The following AKT3 variants were observed in gnomAD, a reference collection of about 807,000 sequenced individuals.
AKT3 encodes RAC-gamma serine/threonine-protein kinase.
AKT3 carries 15 observed loss-of-function variants against 65.3 expected under a neutral mutation model. That is an observed-to-expected ratio of 0.23 (90% CI 0.15 to 0.35). The LOEUF is 0.35. AKT3 is among the 10% of genes least tolerant of loss of function. The pLI, the probability that AKT3 is intolerant of heterozygous loss-of-function variation, is 1.00. For synonymous variants in AKT3, 206 were observed against 183.8 expected (o/e 1.12, Z -0.98); for missense variants, 243 against 576.5 (o/e 0.42, Z 5.92).
intron 2 of AKT3, among the ~76,000 whole-genome samples, chr1:243,702,064 C>T (rs571940431): frequency 8.3e-5 from 12 of 145,036 alleles, no homozygotes; most frequent in South Asian, 2.2e-4. Context: ...TAACCTCTTT[C>T]GCAATCTTTA....
At chr1:243,834,254 A>C (rs1017755981) in intron 2 of AKT3, among the ~76,000 whole-genome samples, 3 of 152,184 alleles carry the variant, frequency 2.0e-5, no homozygotes, top group African/African-American at 7.2e-5. Flanking sequence ...AAAGACACAG[A>C]ATCAACCTAA....
chr1:243,619,203 G>A (rs932158866), intron 6 of AKT3, among the ~76,000 whole-genome samples: 6 of 152,120 alleles, frequency 3.9e-5, no homozygotes, highest in African/African-American at 1.4e-4. Flanking sequence ...GAAGAGGGTA[G>A]AGAAATGTTA....
intron 2 of AKT3, among the ~76,000 whole-genome samples, chr1:243,754,569 A>G (rs1055635774): frequency 2.0e-5 from 3 of 152,186 alleles, no homozygotes; most frequent in Non-Finnish European, 4.4e-5. Context: ...AGAGGTGAGC[A>G]GCAGGTGAGC....
At chr1:243,805,434 AT>A (rs550394179) in intron 2 of AKT3, among the ~76,000 whole-genome samples, 33 of 152,304 alleles carry the variant, frequency 2.2e-4, no homozygotes, top group South Asian at 1.2e-3. Flanking sequence ...CTTAAAAAAA[AT>A]ATTTCACTTA....
intron 6 of AKT3, among the ~76,000 whole-genome samples, chr1:243,625,892 C>T (rs1439957614): frequency 6.6e-6 from 1 of 152,120 alleles, no homozygotes; most frequent in Non-Finnish European, 1.5e-5. Flanking sequence ...CCTAAAGGGA[C>T]AGCTAGTCTG....
intron 8 of AKT3, among the ~76,000 whole-genome samples, chr1:243,607,335 T>C (rs1311298821): frequency 6.6e-6 from 1 of 152,194 alleles, no homozygotes; most frequent in African/African-American, 2.4e-5. Context: ...GTGGTGCTGC[T>C]CAAGGCCATA....
rs569090437 is a variant in AKT3 at position 243,583,337 on chromosome 1, G to GACTTCA, written c.697-10295_697-10290dup. On this transcript the variant is annotated intron_variant, in intron 8 of 13. Coordinates refer to ENST00000673466, the MANE Select transcript of AKT3 (RefSeq NM_005465.7). ...AGACAGCAACACAATAATAGTGGGG[G>GACTTCA]ACTTCAACACCCTACTAGCATGAGT... Among the ~76,000 whole-genome samples, 119 of 149,956 alleles carry GACTTCA rather than the reference G, an allele frequency of 7.9e-4. 1 individual carries two copies. The highest frequency in any genetic ancestry group is 2.7e-3 in the African/African-American group (111 of 40,976).
chr1:243,823,943 T>C (rs1487058156), intron 2 of AKT3, among the ~76,000 whole-genome samples: 2 of 152,136 alleles, frequency 1.3e-5, no homozygotes, highest in Non-Finnish European at 2.9e-5. Context: ...AGAGCCTGAA[T>C]AGCCAAGACA....
Position 243,590,739 on chromosome 1 carries a change from T to C in AKT3, c.697-17691A>G, listed in dbSNP as rs185493515. ...TGAAATCATAGCTAAAGAATCGATATAAATTACAACTGGGAAAAAAAAGCC... is the reference window on the plus strand; with the variant it reads ...TGAAATCATAGCTAAAGAATCGATACAAATTACAACTGGGAAAAAAAAGCC... On this transcript the variant is annotated intron_variant, in intron 8 of 13. Coordinates refer to ENST00000673466, the MANE Select transcript of AKT3 (RefSeq NM_005465.7). 5.2e-4 allele frequency among the ~76,000 whole-genome samples: 79 copies of C among 152,214 alleles called. 1 individual carries two copies. Among genetic ancestry groups the C allele is most frequent in the South Asian group, 4.8e-3 (23 of 4,826 alleles).
At position 243,525,431 on chromosome 1, in the gene AKT3, T is replaced by C. The variant is rs114103420; in HGVS notation, c.1252-13005A>G. ...ACATCAAAGGAAACTGATGCTCTGA[T>C]GATCTCATGTTGAAATTAGTAGACA... On this transcript the variant is annotated intron_variant, in intron 12 of 13. Transcript: ENST00000673466. 9.8e-3 allele frequency among the ~76,000 whole-genome samples: 1,496 copies of C among 152,104 alleles called. 29 individuals carry two copies. Among genetic ancestry groups the C allele is most frequent in the African/African-American group, 0.035 (1,447 of 41,484 alleles).
intron 12 of AKT3, among the ~76,000 whole-genome samples, chr1:243,514,615 A>C (rs1670228318): frequency 6.6e-6 from 1 of 152,210 alleles, no homozygotes; most frequent in Non-Finnish European, 1.5e-5. Flanking sequence ...AGGACTTTAA[A>C]AAAAAGTTTA....
intron 5 of AKT3, among the ~76,000 whole-genome samples, chr1:243,640,866 A>C (rs1048906737): frequency 7.2e-5 from 11 of 152,282 alleles, no homozygotes; most frequent in Admixed American, 2.6e-4. Flanking sequence ...GTGAGGGTTA[A>C]TACTGAGTGT....
Position 243,685,733 on chromosome 1 carries a change from A to G in AKT3, c.172+9858T>C, listed in dbSNP as rs1684244367. Among the ~76,000 whole-genome samples the G allele has an allele frequency of 1.3e-5, 2 of 152,140 alleles. 1 individual carries two copies. Among genetic ancestry groups the G allele is most frequent in the South Asian group, 4.1e-4 (2 of 4,832 alleles). Reference sequence around the variant, plus strand: ...CCCTCTCTCACCACTCCTATTCAACATAGTATTGGAAGTTCTGGCTAGGGA... The same window carrying G: ...CCCTCTCTCACCACTCCTATTCAACGTAGTATTGGAAGTTCTGGCTAGGGA... On this transcript the variant is annotated intron_variant, in intron 3 of 13. Coordinates refer to ENST00000673466, the MANE Select transcript of AKT3 (RefSeq NM_005465.7).
At chr1:243,539,096 GC>G (rs1273644486) in intron 12 of AKT3, among the ~76,000 whole-genome samples, 1 of 152,114 alleles carries the variant, frequency 6.6e-6, no homozygotes, top group East Asian at 1.9e-4. Flanking sequence ...AACAATTTAT[GC>G]AATAAAAGCA....
intron 6 of AKT3, among the ~76,000 whole-genome samples, chr1:243,623,804 C>T (rs866494595): frequency 1.3e-5 from 2 of 152,190 alleles, no homozygotes; most frequent in African/African-American, 4.8e-5. Context: ...CCTCCATAAT[C>T]ACATGAGCCA....
intron 2 of AKT3, among the ~76,000 whole-genome samples, chr1:243,749,565 C>T (rs1688677072): frequency 6.6e-6 from 1 of 152,152 alleles, no homozygotes; most frequent in Admixed American, 6.5e-5. Flanking sequence ...GAACTAACCC[C>T]TCTTTCTTGT....
intron 3 of AKT3, among the ~76,000 whole-genome samples, chr1:243,689,505 A>T (rs577773239): frequency 8.2e-5 from 11 of 133,922 alleles, no homozygotes; most frequent in Admixed American, 2.3e-4. Context: ...TTTTTTTTTT[A>T]AAGAGACAGG....
chr1:243,528,464 A>G (rs1355758852), intron 12 of AKT3, among the ~76,000 whole-genome samples: 2 of 151,904 alleles, frequency 1.3e-5, no homozygotes, highest in African/African-American at 4.8e-5. Context: ...TTTGATCTTC[A>G]CCTTCCTCCT....
At chr1:243,646,783 G>A (rs897761068) in intron 4 of AKT3, among the ~76,000 whole-genome samples, 1 of 152,024 alleles carries the variant, frequency 6.6e-6, no homozygotes, top group Non-Finnish European at 1.5e-5. Context: ...TCCAAGGAAA[G>A]GTTTTCAAAG....
Sources: gnomAD v4.1 joint callset for allele counts (sites outside exome capture counted in the v4.1 genomes callset) on GRCh38, gnomAD v4.1.1 for gene constraint, MANE v1.5 for transcripts, NCBI Gene and HGNC (gene_info 2026-07-23, HGNC 2026-07-21) for gene names.